The following PARG variants were observed in gnomAD, a reference collection of about 807,000 sequenced individuals.
PARG encodes poly(ADP-ribose) glycohydrolase.
A neutral mutation model predicts 113.0 loss-of-function variants in PARG; 35 were observed. The ratio of observed to expected loss-of-function variants is 0.31; its 90% CI spans 0.24 to 0.41. The LOEUF (loss-of-function observed/expected upper bound fraction) is 0.41. Among genes scored for constraint, PARG ranks in the 10% least tolerant of loss-of-function variants. PARG has a pLI of 1.00. For synonymous variants in PARG, 330 were observed against 409.9 expected (o/e 0.81, Z 2.36); for missense variants, 797 against 1,169.4 (o/e 0.68, Z 4.64).
intron 1 of PARG, among the ~76,000 whole-genome samples, chr10:49,940,593 C>T (rs1302982612): frequency 1.3e-5 from 2 of 152,108 alleles, no homozygotes; most frequent in African/African-American, 4.8e-5. Context: ...TCTCGGCTCA[C>T]TGCAACCTCC....
At chr10:49,884,213 C>T (rs1847351529) in intron 8 of PARG, among the ~76,000 whole-genome samples, 1 of 152,072 alleles carries the variant, frequency 6.6e-6, no homozygotes. Context: ...TGAGATAATA[C>T]ATGTTTATTG....
At position 49,922,663 on chromosome 10, in the gene PARG, G is replaced by C; in HGVS notation, c.1462C>G (p.Leu488Val). 1 of 1,562,988 alleles carries C rather than the reference G, an allele frequency of 6.4e-7. No individual in the cohort carries two copies. Residue 488 changes from leucine (L) to valine (V), a missense_variant, in exon 5 of 18, where the codon CTT (leucine) becomes GTT (valine). Leu to Val is a conservative substitution (Grantham distance 32, BLOSUM62 1). This residue lies in a region of PARG where 252 missense variants were observed against 437.4 expected (regional missense o/e 0.58). Coordinates refer to ENST00000616448, the MANE Select transcript of PARG (RefSeq NM_003631.5). The stretch of plus-strand genomic sequence containing the variant: ...TTAGGAACTTCTCCTGCTCGCAAAA[G>C]ATCTACCTGAAATTGAGGGTAAACA... ...ANHTVTIRVDLLRAGEVPKPF... is the reference protein window; with the variant it reads ...ANHTVTIRVDVLRAGEVPKPF...
At chr10:49,838,894 ATTTG>A (rs1845084393) in intron 15 of PARG, among the ~76,000 whole-genome samples, 2 of 152,206 alleles carry the variant, frequency 1.3e-5, no homozygotes, top group African/African-American at 2.4e-5. Context: ...CCCAAACTTG[ATTTG>A]ACACTCAACT....
rs1838682173 is a variant in PARG at position 49,935,056 on chromosome 10, A to G, written c.284+20T>C. On this transcript the variant is annotated intron_variant, in intron 2 of 17. Coordinates refer to ENST00000616448, the MANE Select transcript of PARG (RefSeq NM_003631.5). Reference sequence around the variant, plus strand: ...TCCATGTATTATTATTCATTTCTCTACATAGGAATGTTTCTATACCTTTCT... The same window carrying G: ...TCCATGTATTATTATTCATTTCTCTGCATAGGAATGTTTCTATACCTTTCT... 9 of 713,864 alleles carry G rather than the reference A, an allele frequency of 1.3e-5. No homozygotes were observed. Among genetic ancestry groups the G allele is most frequent in the South Asian group, 1.2e-4 (8 of 64,278 alleles). 44.2% of individuals were successfully genotyped at this position (713,864 alleles called of 1,614,324 possible). A position where few individuals can be genotyped will look rare whatever the true frequency, so the allele number is the denominator to read the frequency against.
Position 49,828,107 on chromosome 10 carries a change from A to AAC in PARG, c.2647+4695_2647+4696insGT, listed in dbSNP as rs1187398248. The stretch of plus-strand genomic sequence containing the variant: ...AAAGCTTAAACAAAAAAAAAAAAAA[A>AAC]AAAAAAAAAAAAAAAGCTCCTTCTA... On this transcript the variant is annotated intron_variant, in intron 16 of 17. Coordinates refer to ENST00000616448, the MANE Select transcript of PARG (RefSeq NM_003631.5). Among the ~76,000 whole-genome samples, 15 of 147,550 alleles carry AAC rather than the reference A, an allele frequency of 1.0e-4. No homozygotes were observed. The East Asian group carries it at 2.9e-3, about 29-fold the overall frequency.
chr10:49,829,890 A>G (rs1554830022), intron 16 of PARG, among the ~76,000 whole-genome samples: 1 of 152,186 alleles, frequency 6.6e-6, no homozygotes, highest in African/African-American at 2.4e-5. Flanking sequence ...AGGAAGCATA[A>G]TATTTTATTG....
intron 1 of PARG, among the ~76,000 whole-genome samples, chr10:49,940,078 C>T (rs1838950060): frequency 6.6e-6 from 1 of 152,226 alleles, no homozygotes; most frequent in Admixed American, 6.5e-5. Context: ...TATCTATGCC[C>T]ATAGCATCCA....
rs1396277754 is a variant in PARG, at chr10:49,832,659, GA to G, written c.2647+143del. 6 of 547,586 alleles carry G rather than the reference GA, an allele frequency of 1.1e-5. No individual in the cohort carries two copies. In the East Asian group the frequency reaches 1.9e-4, roughly 17 times the overall value. The allele number at this position is 547,586 out of a possible 1,614,324, so 33.9% of individuals were successfully genotyped here. On this transcript the variant is annotated intron_variant, in intron 16 of 17. Coordinates refer to ENST00000616448, the MANE Select transcript of PARG (RefSeq NM_003631.5). Reference sequence around the variant, plus strand: ...ATAAGAATTCCTTCAAACATAATAGGAAAAAAGAAAATAGTGTTAAATATTC... The same window carrying G: ...ATAAGAATTCCTTCAAACATAATAGGAAAAAGAAAATAGTGTTAAATATTC...
intron 4 of PARG, among the ~76,000 whole-genome samples, chr10:49,925,182 G>A (rs1838089541): frequency 6.6e-6 from 1 of 151,926 alleles, no homozygotes; most frequent in Non-Finnish European, 1.5e-5. Context: ...GTGCCAAAAA[G>A]TTGGGGACTG....
intron 7 of PARG, among the ~76,000 whole-genome samples, chr10:49,914,686 T>A (rs1837371620): frequency 6.6e-6 from 1 of 152,194 alleles, no homozygotes; most frequent in Non-Finnish European, 1.5e-5. Flanking sequence ...CACTTCCTGA[T>A]TTTAAAACTG....
intron 6 of PARG, among the ~76,000 whole-genome samples, chr10:49,921,175 C>T (rs535744545): frequency 6.6e-6 from 1 of 152,230 alleles, no homozygotes; most frequent in Admixed American, 6.5e-5. Flanking sequence ...AATTACTGAT[C>T]CCCCATCTAC....
intron 7 of PARG, among the ~76,000 whole-genome samples, chr10:49,902,382 T>C (rs2132752108): frequency 6.6e-6 from 1 of 152,324 alleles, no homozygotes; most frequent in African/African-American, 2.4e-5. Context: ...TACGTAGCTA[T>C]ATCACATAAA....
chr10:49,851,672 G>C lies in PARG; in HGVS notation c.2353+5634C>G, dbSNP rs1279910066. 6.0e-3 allele frequency among the ~76,000 whole-genome samples: 820 copies of C among 136,868 alleles called. 14 individuals are homozygous for C. The highest frequency in any genetic ancestry group is 0.021 in the African/African-American group (790 of 37,276). The allele number at this position is 136,868 out of a possible 152,430, so 89.8% of individuals were successfully genotyped here. A position where few individuals can be genotyped will look rare whatever the true frequency, so the allele number is the denominator to read the frequency against. On this transcript the variant is annotated intron_variant, in intron 13 of 17. Transcript: ENST00000616448. Reference sequence around the variant, plus strand: ...CAGTAGGTTTCATGTCTAGGCACCTGGTTTATGTGCTCACCAAACAGAAGC... The same window carrying C: ...CAGTAGGTTTCATGTCTAGGCACCTCGTTTATGTGCTCACCAAACAGAAGC...
At chr10:49,890,268 G>A (rs189307809) in intron 7 of PARG, among the ~76,000 whole-genome samples, 1,632 of 152,154 alleles carry the variant, frequency 0.011, 30 homozygotes, top group African/African-American at 0.036. Flanking sequence ...GCGTGTGCGC[G>A]TGTGTGTGTA....
intron 1 of PARG, among the ~76,000 whole-genome samples, chr10:49,941,224 C>T (rs1379510721): frequency 1.3e-5 from 2 of 152,154 alleles, no homozygotes; most frequent in African/African-American, 4.8e-5. Flanking sequence ...TCCTTGACGA[C>T]TAAGGCAATT....
intron 9 of PARG, among the ~76,000 whole-genome samples, chr10:49,878,519 GAGAA>G (rs1172454246): frequency 6.7e-6 from 1 of 148,330 alleles, no homozygotes; most frequent in Non-Finnish European, 1.5e-5. Context: ...TCAGGAGGCT[GAGAA>G]AGGAGAATCG....
intron 13 of PARG, among the ~76,000 whole-genome samples, chr10:49,850,610 C>T (rs183770522): frequency 0.011 from 1,618 of 152,284 alleles, 31 homozygotes; most frequent in African/African-American, 0.036. Flanking sequence ...AGACAAGCCT[C>T]GTTTTTCCTG....
intron 9 of PARG, among the ~76,000 whole-genome samples, chr10:49,879,117 T>C (rs1196527684): frequency 1.3e-5 from 2 of 152,140 alleles, no homozygotes; most frequent in Admixed American, 1.3e-4. Context: ...AACATTCTTT[T>C]GTTTTTCTTT....
chr10:49,828,267 T>A (rs1844473777), intron 16 of PARG, among the ~76,000 whole-genome samples: 1 of 152,080 alleles, frequency 6.6e-6, no homozygotes. Context: ...ATGAACTGTT[T>A]TATGTTTGAA....
Sources: allele counts gnomAD v4.1 joint callset (sites outside exome capture counted in the v4.1 genomes callset), GRCh38; gene constraint gnomAD v4.1.1; regional missense constraint gnomAD v4.1.1; transcripts MANE v1.5; gene names NCBI Gene and HGNC (gene_info 2026-07-23, HGNC 2026-07-21).